Variants in HECW2 observed in about 807,000 individuals in gnomAD.
HECW2 encodes E3 ubiquitin-protein ligase HECW2.
A neutral mutation model predicts 175.2 loss-of-function variants in HECW2; 61 were observed. The observed-to-expected ratio is 0.35, with a 90% CI of 0.28 to 0.43. The LOEUF is 0.43. Among genes scored for constraint, HECW2 ranks in the 20% least tolerant of loss-of-function variants. The probability of loss-of-function intolerance (pLI) is 1.00; values close to 1 mark genes in which losing one functional copy is unlikely to be tolerated. For missense variants in HECW2, 1,524 were observed against 2,000.5 expected, an observed-to-expected ratio of 0.76 and a Z score of 4.54; for synonymous variants, 671 against 731.0, an observed-to-expected ratio of 0.92 and a Z score of 1.32.
intron 1 of HECW2, among the ~76,000 whole-genome samples, chr2:196,467,784 C>T (rs970792021): frequency 3.3e-5 from 5 of 152,160 alleles, no homozygotes; most frequent in African/African-American, 1.2e-4. Flanking sequence ...CCTCTAATTC[C>T]TCTTCTTACT....
At chr2:196,534,183 A>C (rs1428323116) in intron 1 of HECW2, among the ~76,000 whole-genome samples, 1 of 152,128 alleles carries the variant, frequency 6.6e-6, no homozygotes, top group Non-Finnish European at 1.5e-5. Flanking sequence ...TCAGGTATTT[A>C]TAGTTCTATT....
intron 1 of HECW2, among the ~76,000 whole-genome samples, chr2:196,501,177 CT>C (rs1382532902): frequency 6.6e-6 from 1 of 152,078 alleles, no homozygotes; most frequent in Non-Finnish European, 1.5e-5. Context: ...TAAAAGGTGA[CT>C]AATATTTTCT....
intron 3 of HECW2, among the ~76,000 whole-genome samples, chr2:196,339,979 T>C (rs948522695): frequency 1.3e-4 from 20 of 152,200 alleles, no homozygotes; most frequent in Admixed American, 1.3e-3. Flanking sequence ...CCAGACAAAC[T>C]AAAGCCATCT....
chr2:196,217,486 G>C (rs2105807015), intron 26 of HECW2: 1 of 158,116 alleles, frequency 6.3e-6, no homozygotes, highest in African/African-American at 2.4e-5. Flanking sequence ...ACCAAGGTTG[G>C]GGGCATAATG....
intron 1 of HECW2, among the ~76,000 whole-genome samples, chr2:196,515,031 C>T (rs1688099586): frequency 6.6e-6 from 1 of 152,224 alleles, no homozygotes; most frequent in Non-Finnish European, 1.5e-5. Context: ...GGCTGTGACA[C>T]CCTCTTTGGG....
At chr2:196,353,445 G>T (rs577771788) in intron 2 of HECW2, among the ~76,000 whole-genome samples, 3 of 152,294 alleles carry the variant, frequency 2.0e-5, no homozygotes, top group African/African-American at 7.2e-5. Context: ...TCTGTTGAAT[G>T]TAAACTCCAA....
At chr2:196,501,408 C>T (rs544169003) in intron 1 of HECW2, among the ~76,000 whole-genome samples, 3 of 152,020 alleles carry the variant, frequency 2.0e-5, no homozygotes, top group South Asian at 2.1e-4. Flanking sequence ...TAGAGACAGG[C>T]GTGGGAGTCT....
At chr2:196,356,717 G>C (rs1433194625) in intron 2 of HECW2, among the ~76,000 whole-genome samples, 5 of 152,226 alleles carry the variant, frequency 3.3e-5, no homozygotes, top group Non-Finnish European at 5.9e-5. Context: ...TTGAGAGAGA[G>C]AGACCACATT....
chr2:196,263,906 T>G (rs1689408275), intron 17 of HECW2: 1 of 152,226 alleles, frequency 6.6e-6, no homozygotes, highest in Non-Finnish European at 1.5e-5. Context: ...AATTTCAAAC[T>G]ATTGAGTATA....
chr2:196,198,402 C>G lies in HECW2; in HGVS notation c.*2875G>C, dbSNP rs1280303996. On this transcript the variant is annotated 3_prime_UTR_variant, in exon 29 of 29. Transcript: ENST00000644978. The stretch of plus-strand genomic sequence containing the variant: ...AATCTCCCAGATGGAAAAAGCTGTT[C>G]TCTTCTCTCTTCATTCCTTGATTGT... 1 of 152,158 alleles carries G rather than the reference C, an allele frequency of 6.6e-6. No individual in the cohort carries two copies. The highest frequency in any genetic ancestry group is 1.9e-4 in the East Asian group (1 of 5,202). 9.4% of individuals were successfully genotyped at this position (152,158 alleles called of 1,614,324 possible).
At chr2:196,402,078 G>C (rs1190589003) in intron 2 of HECW2, among the ~76,000 whole-genome samples, 1 of 151,654 alleles carries the variant, frequency 6.6e-6, no homozygotes, top group Non-Finnish European at 1.5e-5. Context: ...GCGGGCGCCT[G>C]TAGTCCCAGC....
intron 2 of HECW2, among the ~76,000 whole-genome samples, chr2:196,353,096 C>T (rs950679611): frequency 2.6e-5 from 4 of 152,152 alleles, no homozygotes; most frequent in Non-Finnish European, 4.4e-5. Context: ...TTCCTACTTT[C>T]CCCGCCTCGC....
intron 21 of HECW2, 99 bp downstream of exon 21, chr2:196,240,350 A>G: frequency 1.2e-6 from 1 of 813,228 alleles, no homozygotes; most frequent in Non-Finnish European, 1.9e-6. Flanking sequence ...ACTTCCTGGC[A>G]GAAGGATTTC....
At chr2:196,566,020 A>C (rs989327732) in intron 1 of HECW2, among the ~76,000 whole-genome samples, 7 of 152,142 alleles carry the variant, frequency 4.6e-5, no homozygotes, top group Non-Finnish European at 7.4e-5. Flanking sequence ...CAACTTTTTA[A>C]ATTACATAGG....
At chr2:196,418,902 A>G (rs57514619) in intron 2 of HECW2, among the ~76,000 whole-genome samples, 39,368 of 152,160 alleles carry the variant, frequency 0.26, 5,498 homozygotes, top group African/African-American at 0.35. Flanking sequence ...AAACAAACAG[A>G]TGAATGAATA....
intron 14 of HECW2, among the ~76,000 whole-genome samples, chr2:196,284,217 G>A (rs750192103): frequency 6.6e-6 from 1 of 152,200 alleles, no homozygotes; most frequent in African/African-American, 2.4e-5. Flanking sequence ...GACTGCTACT[G>A]ATCCCAGACA....
rs376055248 is a variant in HECW2 at position 196,215,885 on chromosome 2, C to T, written c.4587G>A (p.Gly1529=). 6.2e-7 allele frequency: 1 copy of T among 1,611,638 alleles called. No individual in the cohort carries two copies. Among genetic ancestry groups the T allele is most frequent in the South Asian group, 1.1e-5 (1 of 91,018 alleles). The change falls in exon 28 of 29, where the codon GGG becomes GGA. Residue 1529 remains glycine (G), a synonymous_variant. Transcript: ENST00000644978. The part of the protein sequence containing the change: ...GPRRFCVEKW[G]KITALPRAHT... ...TTTACCTGGGAAGAGCAGTGATTTT[C>T]CCCCATTTCTCCACACAGAATCTTC...
At chr2:196,353,533 C>T (rs565411352) in intron 2 of HECW2, among the ~76,000 whole-genome samples, 10 of 152,296 alleles carry the variant, frequency 6.6e-5, no homozygotes, top group African/African-American at 2.4e-4. Context: ...ATAGTAGGTG[C>T]TAATATTTGG....
At chr2:196,460,396 C>T (rs778694901) in intron 1 of HECW2, among the ~76,000 whole-genome samples, 193 of 151,602 alleles carry the variant, frequency 1.3e-3, no homozygotes, top group Non-Finnish European at 1.8e-3. Flanking sequence ...ATTAGAAGGC[C>T]ATCTCATCTA....
Sources: gnomAD v4.1 joint callset for allele counts (sites outside exome capture counted in the v4.1 genomes callset) on GRCh38, gnomAD v4.1.1 for gene constraint, MANE v1.5 for transcripts, NCBI Gene and HGNC (gene_info 2026-07-23, HGNC 2026-07-21) for gene names.